Variants in UBE3C observed in about 807,000 individuals in gnomAD.
UBE3C encodes the protein ubiquitin protein ligase E3C, also known as ubiquitin-protein ligase E3C.
In UBE3C, 42 loss-of-function variants were observed where a neutral mutation model predicts 129.4. The ratio of observed to expected loss-of-function variants is 0.32; its 90% CI spans 0.25 to 0.42. UBE3C has a LOEUF of 0.42. Among genes scored for constraint, UBE3C ranks in the 10% least tolerant of loss-of-function variants. The probability of loss-of-function intolerance (pLI) is 1.00; values close to 1 mark genes in which losing one functional copy is unlikely to be tolerated. For missense variants in UBE3C, 1,049 were observed against 1,319.1 expected, an observed-to-expected ratio of 0.80 and a Z score of 3.17; for synonymous variants, 510 against 492.4, an observed-to-expected ratio of 1.04 and a Z score of -0.47.
At chr7:157,165,813 T>C (rs1479483378) in intron 2 of UBE3C, among the ~76,000 whole-genome samples, 3 of 152,232 alleles carry the variant, frequency 2.0e-5, no homozygotes, top group African/African-American at 7.2e-5. Flanking sequence ...TGAACATAAT[T>C]ATAGATTTTT....
At chr7:157,239,687 C>T (rs1796248989) in intron 18 of UBE3C, among the ~76,000 whole-genome samples, 1 of 152,096 alleles carries the variant, frequency 6.6e-6, no homozygotes, top group South Asian at 2.1e-4. Flanking sequence ...AAGCTGTGTT[C>T]TAAAGATGGG....
intron 10 of UBE3C, 71 bp from the exon 11 acceptor site, chr7:157,201,650 T>G: frequency 1.5e-6 from 1 of 651,070 alleles, no homozygotes; most frequent in Non-Finnish European, 2.2e-6. Context: ...TTTTTTTTTT[T>G]TTTTTTTTAA....
intron 1 of UBE3C, among the ~76,000 whole-genome samples, chr7:157,156,388 C>T (rs1021863337): frequency 6.7e-6 from 1 of 148,922 alleles, no homozygotes; most frequent in Non-Finnish European, 1.5e-5. Context: ...CTCACTGCAG[C>T]CTCCACCTCC....
At chr7:157,259,311 G>A (rs1325150743) in intron 22 of UBE3C, among the ~76,000 whole-genome samples, 2 of 152,206 alleles carry the variant, frequency 1.3e-5, no homozygotes, top group African/African-American at 4.8e-5. Flanking sequence ...TAATTGGCGT[G>A]CTCTTTAGTT....
chr7:157,239,915 C>T (rs937731972), intron 18 of UBE3C, among the ~76,000 whole-genome samples: 1 of 152,152 alleles, frequency 6.6e-6, no homozygotes, highest in African/African-American at 2.4e-5. Flanking sequence ...TTGCTGCTTT[C>T]TGGGTGATGC....
intron 3 of UBE3C, among the ~76,000 whole-genome samples, chr7:157,169,981 G>A (rs1808321185): frequency 6.6e-6 from 1 of 151,916 alleles, no homozygotes; most frequent in African/African-American, 2.4e-5. Context: ...ATCGTGCCCT[G>A]CCTAGCTTTT....
At chr7:157,154,350 A>AG (rs1196636759) in intron 1 of UBE3C, among the ~76,000 whole-genome samples, 1 of 152,070 alleles carries the variant, frequency 6.6e-6, no homozygotes, top group Non-Finnish European at 1.5e-5. Context: ...GACCTTCTAA[A>AG]GAGTATCCAT....
intron 11 of UBE3C, among the ~76,000 whole-genome samples, chr7:157,202,311 C>T (rs970884758): frequency 2.0e-5 from 3 of 152,152 alleles, no homozygotes; most frequent in Non-Finnish European, 4.4e-5. Context: ...TAAAATCCTT[C>T]ATGGTAAACT....
At chr7:157,163,957 T>C (rs1808144596) in intron 2 of UBE3C, 94 bp downstream of exon 2, 2 of 1,103,358 alleles carry the variant, frequency 1.8e-6, no homozygotes, top group East Asian at 4.9e-5. Flanking sequence ...TGTGTGTATG[T>C]ATTTTTTATA....
chr7:157,254,481 T>G (rs1796697198), intron 21 of UBE3C, among the ~76,000 whole-genome samples, 171 bp downstream of exon 21: 3 of 151,762 alleles, frequency 2.0e-5, no homozygotes, highest in Admixed American at 2.0e-4. Flanking sequence ...CACTGAAACC[T>G]TTGCCTCCCG....
chr7:157,148,630 A>T (rs530219764), intron 1 of UBE3C, among the ~76,000 whole-genome samples: 4 of 152,254 alleles, frequency 2.6e-5, no homozygotes, highest in African/African-American at 9.6e-5. Flanking sequence ...AATGGATGTG[A>T]TAGTATAATG....
chr7:157,242,055 C>A (rs1796344795), intron 18 of UBE3C, among the ~76,000 whole-genome samples: 1 of 152,152 alleles, frequency 6.6e-6, no homozygotes, highest in African/African-American at 2.4e-5. Context: ...TAATGAAAAT[C>A]TTCAGAAATT....
chr7:157,138,975 A>G lies in UBE3C; in HGVS notation c.-298A>G, dbSNP rs1341652034. 6.6e-6 allele frequency: 1 copy of G among 152,412 alleles called. No individual in the cohort carries two copies. The allele number at this position is 152,412 out of a possible 1,614,324, so 9.4% of individuals were successfully genotyped here. A position where few individuals can be genotyped will look rare whatever the true frequency, so the allele number is the denominator to read the frequency against. ...TCTTCCCTCCCGAGGCGGCAGTTCC[A>G]GGTGCAAGCGCCGGGTTTGCTGCCC... On this transcript the variant is annotated 5_prime_UTR_variant, in exon 1 of 23. Transcript: ENST00000348165.
intron 10 of UBE3C, among the ~76,000 whole-genome samples, chr7:157,190,113 CTTT>C (rs1180366789): frequency 5.9e-5 from 9 of 152,084 alleles, no homozygotes; most frequent in Admixed American, 5.9e-4. Context: ...TTTTTTAGTT[CTTT>C]ATTTGGTCCT....
intron 10 of UBE3C, chr7:157,197,688 G>T: frequency 6.2e-7 from 1 of 1,609,266 alleles, no homozygotes; most frequent in Non-Finnish European, 8.5e-7. Flanking sequence ...ATTCGGAAAT[G>T]AAGTCACAAG....
chr7:157,259,499 A>C lies in UBE3C; in HGVS notation c.3081+2455A>C, dbSNP rs116137326. On this transcript the variant is annotated intron_variant, in intron 22 of 22. Transcript: ENST00000348165. The stretch of plus-strand genomic sequence containing the variant: ...AATGGCCAAAAACGAAATAATTCAC[A>C]GTACATGAACTGCTAGTAAATACTA... Among the ~76,000 whole-genome samples, 1,151 of 152,362 alleles carry C rather than the reference A, an allele frequency of 7.6e-3. 18 individuals carry two copies. Among genetic ancestry groups the C allele is most frequent in the African/African-American group, 0.026 (1,094 of 41,582 alleles).
At chr7:157,146,535 C>T (rs930706790) in intron 1 of UBE3C, among the ~76,000 whole-genome samples, 2 of 152,210 alleles carry the variant, frequency 1.3e-5, no homozygotes, top group Non-Finnish European at 2.9e-5. Context: ...CGATCTGTTT[C>T]TAAGCTCTGT....
intron 18 of UBE3C, among the ~76,000 whole-genome samples, chr7:157,235,770 C>A (rs1796137366): frequency 6.6e-6 from 1 of 152,138 alleles, no homozygotes; most frequent in African/African-American, 2.4e-5. Flanking sequence ...TAAGACTTCC[C>A]TTACATTACT....
At chr7:157,198,583 G>A (rs1809189858) in intron 10 of UBE3C, 1 of 279,842 alleles carries the variant, frequency 3.6e-6, no homozygotes, top group Non-Finnish European at 6.9e-6. Flanking sequence ...CACCCAGGCT[G>A]AAGTGCAGTG....
Sources: allele counts gnomAD v4.1 joint callset (sites outside exome capture counted in the v4.1 genomes callset), GRCh38; gene constraint gnomAD v4.1.1; transcripts MANE v1.5; gene names NCBI Gene and HGNC (gene_info 2026-07-23, HGNC 2026-07-21).